TERB2: variants seen among roughly 807,000 people sequenced by gnomAD.
The protein encoded by TERB2 is telomere repeat binding bouquet formation protein 2.
Under a neutral mutation model 29.8 loss-of-function variants are expected in TERB2, and 26 were observed. The ratio of observed to expected loss-of-function variants is 0.87; its 90% CI spans 0.64 to 1.21. TERB2 has a LOEUF of 1.21. Among genes scored for constraint, TERB2 ranks in the 50% most tolerant of loss-of-function variants. TERB2 has a pLI of 0.00. For synonymous variants in TERB2, 80 were observed against 90.8 expected, an observed-to-expected ratio of 0.88 and a Z score of 0.68; for missense variants, 240 against 268.6, an observed-to-expected ratio of 0.89 and a Z score of 0.74.
chr15:44,965,662 T>C (rs1891878693), intron 4 of TERB2, among the ~76,000 whole-genome samples: 1 of 147,870 alleles, frequency 6.8e-6, no homozygotes, highest in South Asian at 2.1e-4. Context: ...TCTTTATGTA[T>C]ATAGTGAAGC....
intron 5 of TERB2, among the ~76,000 whole-genome samples, chr15:44,971,523 A>C (rs1891967088): frequency 6.6e-6 from 1 of 152,188 alleles, no homozygotes; most frequent in African/African-American, 2.4e-5. Context: ...TGGGAGGCCC[A>C]GGCAGGCGGA....
chr15:44,971,163 A>G (rs1891961732), intron 5 of TERB2: 1 of 152,822 alleles, frequency 6.5e-6, no homozygotes, highest in Admixed American at 6.5e-5. Flanking sequence ...CAGTGCATCC[A>G]TGAGAGCCTG....
At chr15:44,965,162 CAAAAAAAA>C (rs66756472) in intron 4 of TERB2, among the ~76,000 whole-genome samples, 6 of 48,816 alleles carry the variant, frequency 1.2e-4, no homozygotes, top group African/African-American at 3.5e-4. Flanking sequence ...GACTCTGTCT[CAAAAAAAA>C]AAAAAAAAAA....
At chr15:44,974,693 A>G (rs997520774) in intron 6 of TERB2, among the ~76,000 whole-genome samples, 2 of 152,228 alleles carry the variant, frequency 1.3e-5, no homozygotes, top group Non-Finnish European at 2.9e-5. Flanking sequence ...ACTGATAACA[A>G]TTTTAAAAAT....
In TERB2 at chr15:44,956,980, A is replaced by G. The variant is rs765297398; in HGVS notation, c.146+3A>G. 1.2e-6 allele frequency: 2 copies of G among 1,612,252 alleles called. No homozygotes were observed. Among genetic ancestry groups the G allele is most frequent in the Non-Finnish European group, 1.7e-6 (2 of 1,179,230 alleles). On this transcript the variant is annotated splice_donor_region_variant and intron_variant, in intron 2 of 6. Transcript: ENST00000340827. Reference sequence around the variant, plus strand: ...GCCTCGCACCCAGACACGCTGAGGTACTGAGGGCGACCTGGCAGTGCCTCT... The same window carrying G: ...GCCTCGCACCCAGACACGCTGAGGTGCTGAGGGCGACCTGGCAGTGCCTCT...
intron 2 of TERB2, 56 bp from the exon 3 acceptor site, chr15:44,958,317 G>A (rs11633942): frequency 6.6e-7 from 1 of 1,526,474 alleles, no homozygotes; most frequent in Non-Finnish European, 8.8e-7. Context: ...CTTTTGAAAG[G>A]TTAAATACAT....
chr15:44,961,853 C>T (rs953298080), intron 4 of TERB2, among the ~76,000 whole-genome samples: 2 of 152,120 alleles, frequency 1.3e-5, no homozygotes, highest in African/African-American at 4.8e-5. Context: ...GCGTGTGCCA[C>T]CACGCCCGGC....
At chr15:44,963,899 C>T (rs1335937222) in intron 4 of TERB2, among the ~76,000 whole-genome samples, 2 of 149,968 alleles carry the variant, frequency 1.3e-5, no homozygotes, top group African/African-American at 4.9e-5. Context: ...CGACCACCAC[C>T]TCCTGGGTTG....
rs767806044 is a variant in TERB2, at chr15:44,978,616, G to A, written c.651G>A (p.Leu217=). 1.0e-5 allele frequency: 16 copies of A among 1,594,766 alleles called. No individual in the cohort carries two copies. The highest frequency in any genetic ancestry group is 1.2e-5 in the Non-Finnish European group (14 of 1,171,924). The change falls in exon 7 of 7, where the codon TTG becomes TTA. Residue 217 remains leucine (L), a synonymous_variant. Coordinates refer to ENST00000340827, the MANE Select transcript of TERB2 (RefSeq NM_152448.3). ...ATATGTCTGCTATAAAAAACAAATT[G>A]AAGAGGAAATAGTAAATTAAATTGT... ...EINMSAIKNK[L]KRK is the part of the protein sequence containing the mutation.
intron 2 of TERB2, 81 bp downstream of exon 2, chr15:44,957,058 T>C (rs1891727006): frequency 7.0e-7 from 1 of 1,422,134 alleles, no homozygotes; most frequent in Middle Eastern, 1.8e-4. Context: ...CACTAATAAA[T>C]ATTGATGAGG....
At chr15:44,959,856 G>A (rs1020553105) in intron 3 of TERB2, among the ~76,000 whole-genome samples, 4 of 152,134 alleles carry the variant, frequency 2.6e-5, no homozygotes, top group African/African-American at 9.7e-5. Context: ...TTCCCAGTGA[G>A]GAGAGTATTA....
chr15:44,976,088 G>A (rs1190350312), intron 6 of TERB2: 1 of 152,100 alleles, frequency 6.6e-6, no homozygotes, highest in Non-Finnish European at 1.5e-5. Context: ...TAGAGATGAG[G>A]TCTCACTGTG....
intron 3 of TERB2, among the ~76,000 whole-genome samples, chr15:44,960,582 T>C (rs1178809794): frequency 6.6e-6 from 1 of 152,122 alleles, no homozygotes; most frequent in African/African-American, 2.4e-5. Flanking sequence ...ACCTAATATA[T>C]CTAAAATATT....
intron 6 of TERB2, among the ~76,000 whole-genome samples, chr15:44,977,478 AT>A (rs1387633387): frequency 1.3e-5 from 2 of 152,230 alleles, no homozygotes; most frequent in Non-Finnish European, 2.9e-5. Flanking sequence ...ACTAATAGTG[AT>A]ATTTTTCTGC....
At position 44,966,475 on chromosome 15, in the gene TERB2, A is replaced by G. The variant is rs185594120; in HGVS notation, c.434+232A>G. 3.2e-4 allele frequency among the ~76,000 whole-genome samples: 48 copies of G among 152,340 alleles called. No individual in the cohort carries two copies. The East Asian group carries it at 8.5e-3, about 27-fold the overall frequency. Reference sequence around the variant, plus strand: ...CAGGATTTGCACTGAGTCAGAGCCCATTATTTAAATGGTAGTCATTAAATA... The same window carrying G: ...CAGGATTTGCACTGAGTCAGAGCCCGTTATTTAAATGGTAGTCATTAAATA... On this transcript the variant is annotated intron_variant, in intron 5 of 6. Coordinates refer to ENST00000340827, the MANE Select transcript of TERB2 (RefSeq NM_152448.3).
chr15:44,957,358 G>C (rs1035617161), intron 2 of TERB2, among the ~76,000 whole-genome samples: 5 of 152,094 alleles, frequency 3.3e-5, no homozygotes, highest in African/African-American at 1.2e-4. Context: ...TTTCCTTTCT[G>C]CTGCAGTGTC....
chr15:44,978,533 C>A lies in TERB2; in HGVS notation c.568C>A (p.His190Asn), dbSNP rs1248475666. 1.3e-5 allele frequency: 21 copies of A among 1,609,512 alleles called. No homozygotes were observed. The highest frequency in any genetic ancestry group is 1.7e-5 in the Admixed American group (1 of 59,768). ...DAMKKFLGEL[H>N]DFIPGTSGYL... Reference sequence around the variant, plus strand: ...CATGAAGAAATTCCTTGGGGAGCTACATGACTTCATTCCTGGAACCTCAGG... The same window carrying A: ...CATGAAGAAATTCCTTGGGGAGCTAAATGACTTCATTCCTGGAACCTCAGG... The change falls in exon 7 of 7, where the codon CAT becomes AAT. Residue 190 changes from histidine (H) to asparagine (N), a missense_variant. By Grantham distance (68) the His-to-Asn change is moderately conservative. Transcript: ENST00000340827.
chr15:44,959,528 C>T (rs575863629), intron 3 of TERB2, among the ~76,000 whole-genome samples: 23 of 152,104 alleles, frequency 1.5e-4, no homozygotes, highest in East Asian at 3.9e-4. Flanking sequence ...CCACCACACC[C>T]GGCTAATTTT....
chr15:44,978,262 T>G (rs1335908917), intron 6 of TERB2, among the ~76,000 whole-genome samples: 1 of 152,168 alleles, frequency 6.6e-6, no homozygotes, highest in Non-Finnish European at 1.5e-5. Context: ...TAATCCACCT[T>G]TTAATATTTT....
Sources: gnomAD v4.1 joint callset for allele counts (sites outside exome capture counted in the v4.1 genomes callset) on GRCh38, gnomAD v4.1.1 for gene constraint, MANE v1.5 for transcripts, NCBI Gene and HGNC (gene_info 2026-07-23, HGNC 2026-07-21) for gene names.